The following VSTM2L variants were observed in gnomAD, a reference collection of about 807,000 sequenced individuals.
VSTM2L encodes V-set and transmembrane domain-containing protein 2-like protein.
A neutral mutation model predicts 19.9 loss-of-function variants in VSTM2L; 9 were observed. The ratio of observed to expected loss-of-function variants is 0.45; its 90% CI spans 0.27 to 0.79. The LOEUF is 0.79. VSTM2L is among the 30% of genes least tolerant of loss of function. The pLI, the probability that VSTM2L is intolerant of heterozygous loss-of-function variation, is 0.15. For missense variants in VSTM2L, 286 were observed against 295.5 expected (o/e 0.97, Z 0.24); for synonymous variants, 127 against 133.8 (o/e 0.95, Z 0.35).
At chr20:37,933,479 A>ACC in intron 2 of VSTM2L, 60 bp from the exon 3 acceptor site, 1 of 814,944 alleles carries the variant, frequency 1.2e-6, no homozygotes, top group East Asian at 3.7e-5. Context: ...CTGCCACCCC[A>ACC]CCCCCACCCT....
At chr20:37,903,611 C>A in intron 1 of VSTM2L, 140 bp downstream of exon 1, 1 of 1,248,220 alleles carries the variant, frequency 8.0e-7, no homozygotes, top group Non-Finnish European at 1.0e-6. Context: ...GCGCGGTGGA[C>A]CCGCCCTGGC....
Position 37,929,404 on chromosome 20 carries a change from G to A in VSTM2L, c.122-2231G>A, listed in dbSNP as rs530837150. On this transcript the variant is annotated intron_variant, in intron 1 of 3. Coordinates refer to ENST00000373461, the MANE Select transcript of VSTM2L (RefSeq NM_080607.3). ...TCAGCCATCTGGAGTGCAGTGGTGCGTTCAAGGCTTGCTGCAGCCTTGACC... is the reference window on the plus strand; with the variant it reads ...TCAGCCATCTGGAGTGCAGTGGTGCATTCAAGGCTTGCTGCAGCCTTGACC... 6.6e-5 allele frequency among the ~76,000 whole-genome samples: 10 copies of A among 152,256 alleles called. No homozygotes were observed. In the South Asian group the frequency reaches 1.5e-3, roughly 22 times the overall value.
At position 37,944,986 on chromosome 20, in the gene VSTM2L, C is replaced by G; in HGVS notation, c.*733C>G. 3 of 985,786 alleles carry G rather than the reference C, an allele frequency of 3.0e-6. No homozygotes were observed. Among genetic ancestry groups the G allele is most frequent in the Non-Finnish European group, 3.6e-6 (3 of 829,960 alleles). The allele number at this position is 985,786 out of a possible 1,614,324, so 61.1% of individuals were successfully genotyped here. A position where few individuals can be genotyped will look rare whatever the true frequency, so the allele number is the denominator to read the frequency against. ...AGGCAGAGTTTTGCACCAGCAGGAC[C>G]CCTTTGAGGGCCTTCAAGGCTCTCC... On this transcript the variant is annotated 3_prime_UTR_variant, in exon 4 of 4. Transcript: ENST00000373461.
intron 1 of VSTM2L, among the ~76,000 whole-genome samples, chr20:37,909,462 GGAAT>G (rs746224316): frequency 3.9e-5 from 6 of 152,170 alleles, no homozygotes; most frequent in African/African-American, 7.2e-5. Flanking sequence ...GAGGTGGCAG[GGAAT>G]GAATGAATGG....
intron 2 of VSTM2L, among the ~76,000 whole-genome samples, chr20:37,933,223 C>T (rs774035544): frequency 1.3e-5 from 2 of 152,224 alleles, no homozygotes; most frequent in Non-Finnish European, 2.9e-5. Context: ...CATACCAAGC[C>T]AATGCTTAGA....
At chr20:37,924,134 G>T (rs998182093) in intron 1 of VSTM2L, among the ~76,000 whole-genome samples, 1 of 152,236 alleles carries the variant, frequency 6.6e-6, no homozygotes, top group Admixed American at 6.5e-5. Context: ...CTACTTGGGA[G>T]GCAGAAGCAG....
At chr20:37,915,869 C>T (rs2072815695) in intron 1 of VSTM2L, among the ~76,000 whole-genome samples, 1 of 152,120 alleles carries the variant, frequency 6.6e-6, no homozygotes, top group African/African-American at 2.4e-5. Flanking sequence ...TCCCAAGTGC[C>T]TGCCTCCATC....
chr20:37,911,581 G>A (rs537799506), intron 1 of VSTM2L, among the ~76,000 whole-genome samples: 1 of 152,370 alleles, frequency 6.6e-6, no homozygotes, highest in Non-Finnish European at 1.5e-5. Context: ...TCATGGCAGG[G>A]ATGGGGCCTT....
intron 1 of VSTM2L, among the ~76,000 whole-genome samples, chr20:37,924,447 G>C (rs6013449): frequency 7.3e-5 from 11 of 150,898 alleles, no homozygotes; most frequent in African/African-American, 2.7e-4. Flanking sequence ...CAAGCTACTC[G>C]AGAGGCTGAG....
chr20:37,931,762 C>A lies in VSTM2L; in HGVS notation c.249C>A (p.Ser83Arg). ...SLEIQWWYVR[S>R]HRDWTDKQAW... Reference sequence around the variant, plus strand: ...AGATCCAGTGGTGGTATGTACGGAGCCACCGGGACTGGACCGACAAGCAGG... The same window carrying A: ...AGATCCAGTGGTGGTATGTACGGAGACACCGGGACTGGACCGACAAGCAGG... The change falls in exon 2 of 4, where the codon AGC (serine) becomes AGA (arginine). Residue 83 changes from serine (S) to arginine (R), a missense_variant. Physicochemically the swap from Ser to Arg is moderately radical, Grantham distance 110 (BLOSUM62 -1). Coordinates refer to ENST00000373461, the MANE Select transcript of VSTM2L (RefSeq NM_080607.3). 1 of 1,613,916 alleles carries A rather than the reference C, an allele frequency of 6.2e-7. No individual in the cohort carries two copies. The highest frequency in any genetic ancestry group is 8.5e-7 in the Non-Finnish European group (1 of 1,180,018).
chr20:37,933,394 C>T, intron 2 of VSTM2L, 145 bp from the exon 3 acceptor site: 2 of 660,140 alleles, frequency 3.0e-6, no homozygotes, highest in Non-Finnish European at 5.1e-6. Context: ...CTCCAGACTC[C>T]ATGGCCCCCG....
At chr20:37,913,847 C>T (rs561191617) in intron 1 of VSTM2L, among the ~76,000 whole-genome samples, 3 of 152,196 alleles carry the variant, frequency 2.0e-5, no homozygotes, top group African/African-American at 7.2e-5. Flanking sequence ...TTTGGTCTTA[C>T]CCCTGGAGAA....
chr20:37,928,834 C>T (rs997410423), intron 1 of VSTM2L, among the ~76,000 whole-genome samples: 2 of 152,172 alleles, frequency 1.3e-5, no homozygotes, highest in African/African-American at 4.8e-5. Flanking sequence ...TGACAATAAA[C>T]ATACATAAAA....
chr20:37,943,093 G>C (rs2072982632), intron 3 of VSTM2L, among the ~76,000 whole-genome samples: 3 of 152,060 alleles, frequency 2.0e-5, no homozygotes, highest in African/African-American at 7.2e-5. Flanking sequence ...TCAGTCTCAC[G>C]AGTAGCTGGG....
chr20:37,936,956 C>G (rs1230987364), intron 3 of VSTM2L, among the ~76,000 whole-genome samples: 1 of 152,126 alleles, frequency 6.6e-6, no homozygotes, highest in South Asian at 2.1e-4. Context: ...GGGCGCAGTG[C>G]ACACCTGTAA....
intron 1 of VSTM2L, among the ~76,000 whole-genome samples, chr20:37,920,140 G>A (rs552018530): frequency 5.3e-5 from 8 of 152,334 alleles, no homozygotes; most frequent in South Asian, 4.1e-4. Flanking sequence ...CTGCAACAAC[G>A]GAGCCAGCAG....
chr20:37,932,588 C>T (rs550187453), intron 2 of VSTM2L, among the ~76,000 whole-genome samples: 6 of 152,278 alleles, frequency 3.9e-5, no homozygotes, highest in African/African-American at 1.4e-4. Context: ...TCACCAAGTG[C>T]CCAGTGGGAC....
chr20:37,922,431 G>A (rs955849838), intron 1 of VSTM2L, among the ~76,000 whole-genome samples: 1 of 152,182 alleles, frequency 6.6e-6, no homozygotes, highest in Non-Finnish European at 1.5e-5. Flanking sequence ...TGAGTAGGGA[G>A]CATCACAGTG....
chr20:37,926,467 C>A (rs1409434496), intron 1 of VSTM2L, among the ~76,000 whole-genome samples: 1 of 152,024 alleles, frequency 6.6e-6, no homozygotes, highest in Admixed American at 6.6e-5. Flanking sequence ...GGCTTGAACC[C>A]GGGAGGCAGA....
Sources: allele counts gnomAD v4.1 joint callset (sites outside exome capture counted in the v4.1 genomes callset), GRCh38; gene constraint gnomAD v4.1.1; transcripts MANE v1.5; gene names NCBI Gene and HGNC (gene_info 2026-07-23, HGNC 2026-07-21).